The following ALG5 variants were observed in gnomAD, a reference collection of about 807,000 sequenced individuals.
ALG5 encodes dolichyl-phosphate beta-glucosyltransferase.
Under a neutral mutation model 51.8 loss-of-function variants are expected in ALG5, and 26 were observed. The ratio of observed to expected loss-of-function variants is 0.50; its 90% CI spans 0.37 to 0.70. The LOEUF (loss-of-function observed/expected upper bound fraction) is 0.70, where lower values mean the gene tolerates loss of function less well. Among genes scored for constraint, ALG5 ranks in the 30% least tolerant of loss-of-function variants. The pLI is 0.00. For missense variants in ALG5, 311 were observed against 399.3 expected (o/e 0.78, Z 1.88); for synonymous variants, 141 against 136.1 (o/e 1.04, Z -0.25).
intron 6 of ALG5, among the ~76,000 whole-genome samples, chr13:36,981,854 C>T (rs542612077): frequency 1.2e-4 from 18 of 152,232 alleles, no homozygotes; most frequent in South Asian, 4.1e-4. Context: ...TTTGGGAGGC[C>T]GTGGCTGGTG....
At chr13:36,997,329 C>T (rs374869994) in intron 1 of ALG5, among the ~76,000 whole-genome samples, 8 of 151,562 alleles carry the variant, frequency 5.3e-5, no homozygotes, top group Admixed American at 2.6e-4. Context: ...AAAAATTAAC[C>T]GGGAGTGGTG....
intron 9 of ALG5, among the ~76,000 whole-genome samples, chr13:36,950,426 G>T (rs2058813142): frequency 6.6e-6 from 1 of 152,048 alleles, no homozygotes; most frequent in African/African-American, 2.4e-5. Flanking sequence ...CAGCACAACA[G>T]ATAAATATGA....
chr13:36,998,151 G>A (rs948416062), intron 1 of ALG5, among the ~76,000 whole-genome samples: 5 of 151,956 alleles, frequency 3.3e-5, no homozygotes, highest in Non-Finnish European at 5.9e-5. Flanking sequence ...CCAAAGTAAG[G>A]CAGCTTCAAT....
chr13:36,984,083 G>C (rs190682972), intron 6 of ALG5, among the ~76,000 whole-genome samples: 51 of 149,880 alleles, frequency 3.4e-4, no homozygotes, highest in African/African-American at 1.2e-3. Context: ...GTCTCAATTT[G>C]TTTCCTTAGT....
chr13:36,956,356 G>T (rs535611342), intron 8 of ALG5, among the ~76,000 whole-genome samples: 1 of 152,276 alleles, frequency 6.6e-6, no homozygotes, highest in South Asian at 2.1e-4. Context: ...TGGAGAAGTG[G>T]GAAACCTTGT....
In ALG5 at chr13:36,993,627, C is replaced by T. The variant is rs751812056; in HGVS notation, c.331G>A (p.Gly111Ser). Residue 111 changes from glycine to serine, a missense_variant, in exon 4 of 10, where the codon GGC (glycine) becomes AGC (serine). Physicochemically the swap from Gly to Ser is moderately conservative, Grantham distance 56. Coordinates refer to ENST00000239891, the MANE Select transcript of ALG5 (RefSeq NM_013338.5). Reference sequence around the variant, plus strand: ...ACCTTTGAGGTCTGATCTTTACTGCCATCATCAACTACTATCACTTCATAA... The same window carrying T: ...ACCTTTGAGGTCTGATCTTTACTGCTATCATCAACTACTATCACTTCATAA... ...FTYEVIVVDD[G>S]SKDQTSKVAF... is the part of the protein sequence containing the mutation. 8.1e-6 allele frequency: 13 copies of T among 1,613,582 alleles called. No individual in the cohort carries two copies. In the East Asian group the frequency reaches 2.7e-4, roughly 33 times the overall value.
chr13:36,978,519 A>G (rs1046656863), intron 6 of ALG5, among the ~76,000 whole-genome samples: 1 of 152,086 alleles, frequency 6.6e-6, no homozygotes, highest in African/African-American at 2.4e-5. Flanking sequence ...ATTTTCACAC[A>G]ATTTACTGGA....
chr13:36,994,962 A>T, intron 3 of ALG5, 27 bp downstream of exon 3: 2 of 1,598,416 alleles, frequency 1.3e-6, no homozygotes, highest in Non-Finnish European at 1.7e-6. Context: ...AATTGGAGAT[A>T]TCATATTAAA....
At chr13:36,952,933 G>C (rs1037785730) in intron 8 of ALG5, 2 of 171,914 alleles carry the variant, frequency 1.2e-5, no homozygotes, top group African/African-American at 4.8e-5. Flanking sequence ...AACTGGACTA[G>C]CTCAAGGTAA....
At chr13:36,957,655 C>T (rs2058846424) in intron 8 of ALG5, among the ~76,000 whole-genome samples, 1 of 152,040 alleles carries the variant, frequency 6.6e-6, no homozygotes, top group Admixed American at 6.6e-5. Flanking sequence ...ACTAGGAATC[C>T]GAAACTCTCC....
intron 6 of ALG5, among the ~76,000 whole-genome samples, chr13:36,979,807 G>C (rs2058971030): frequency 6.6e-6 from 1 of 152,144 alleles, no homozygotes; most frequent in South Asian, 2.1e-4. Flanking sequence ...CAGCACTTTG[G>C]GGGCCAAGGA....
chr13:36,977,882 T>C (rs1174110275), intron 6 of ALG5, among the ~76,000 whole-genome samples: 1 of 139,428 alleles, frequency 7.2e-6, no homozygotes, highest in East Asian at 2.5e-4. Context: ...AATCAAAATC[T>C]TTCTCAGTAT....
chr13:36,989,831 C>T (rs7320568), intron 4 of ALG5, among the ~76,000 whole-genome samples: 11,177 of 152,108 alleles, frequency 0.073, 1,393 homozygotes, highest in African/African-American at 0.26. Context: ...TTTCTTGACT[C>T]CTCTACCTAA....
At position 36,995,099 on chromosome 13, in the gene ALG5, G is replaced by A. The variant is rs138898286; in HGVS notation, c.239-64C>T. On this transcript the variant is annotated intron_variant, in intron 2 of 9. Coordinates refer to ENST00000239891, the MANE Select transcript of ALG5 (RefSeq NM_013338.5). ...TGATTTTCCAAGCCCGGCACATTCA[G>A]CTTACATACAGAAAAAAGTCCCAAT... The A allele has an allele frequency of 2.4e-4, 338 of 1,399,464 alleles. 1 individual carries two copies. In the African/African-American group the frequency reaches 3.6e-3, roughly 15 times the overall value. The allele number at this position is 1,399,464 out of a possible 1,614,324, so 86.7% of individuals were successfully genotyped here.
At chr13:36,978,715 C>G (rs2058965298) in intron 6 of ALG5, among the ~76,000 whole-genome samples, 1 of 150,688 alleles carries the variant, frequency 6.6e-6, no homozygotes, top group South Asian at 2.1e-4. Context: ...AGTTCAAGAC[C>G]AGCCCTGGCC....
chr13:36,979,624 G>A (rs2058970263), intron 6 of ALG5, among the ~76,000 whole-genome samples: 1 of 152,162 alleles, frequency 6.6e-6, no homozygotes, highest in Non-Finnish European at 1.5e-5. Flanking sequence ...TGAGTTGTGC[G>A]TGTAGTTAAG....
intron 6 of ALG5, among the ~76,000 whole-genome samples, chr13:36,980,051 A>C (rs1264329629): frequency 1.3e-5 from 2 of 152,142 alleles, no homozygotes; most frequent in Admixed American, 1.3e-4. Context: ...TGTCTCAAAA[A>C]ATAATAATAA....
chr13:36,988,472 C>T (rs75695810), intron 5 of ALG5, among the ~76,000 whole-genome samples: 6 of 152,132 alleles, frequency 3.9e-5, no homozygotes, highest in African/African-American at 1.2e-4. Flanking sequence ...TACTAAATGG[C>T]GTGCTGTTTT....
At chr13:36,969,778 G>A (rs192257238) in intron 7 of ALG5, among the ~76,000 whole-genome samples, 225 of 152,020 alleles carry the variant, frequency 1.5e-3, no homozygotes, top group African/African-American at 5.2e-3. Flanking sequence ...CAGGTGATCC[G>A]CCTGCCTCGG....
Sources: gnomAD v4.1 joint callset for allele counts (sites outside exome capture counted in the v4.1 genomes callset) on GRCh38, gnomAD v4.1.1 for gene constraint, MANE v1.5 for transcripts, NCBI Gene and HGNC (gene_info 2026-07-23, HGNC 2026-07-21) for gene names.